The following DHRS4 variants were observed in gnomAD, a reference collection of about 807,000 sequenced individuals.
The protein encoded by DHRS4 is dehydrogenase/reductase 4.
DHRS4 carries 20 observed loss-of-function variants against 28.4 expected under a neutral mutation model. The observed-to-expected ratio is 0.71, with a 90% CI of 0.50 to 1.02. The LOEUF is 1.02. Among genes scored for constraint, DHRS4 ranks in the 50% least tolerant of loss-of-function variants. The pLI is 0.00. For synonymous variants in DHRS4, 144 were observed against 146.4 expected, an observed-to-expected ratio of 0.98 and a Z score of 0.12; for missense variants, 378 against 367.2, an observed-to-expected ratio of 1.03 and a Z score of -0.24.
At chr14:23,954,174 C>T (rs541824758) in intron 1 of DHRS4, 2 of 504,856 alleles carry the variant, frequency 4.0e-6, no homozygotes, top group Non-Finnish European at 7.0e-6. Flanking sequence ...TCTAGTCTCC[C>T]CAGTGTTCTG....
chr14:23,967,102 C>A, intron 6 of DHRS4, 109 bp from the exon 7 acceptor site: 1 of 1,412,818 alleles, frequency 7.1e-7, no homozygotes, highest in Non-Finnish European at 9.5e-7. Flanking sequence ...TGCAGTGAGC[C>A]AAGATAGCGC....
At chr14:23,955,975 C>T (rs577940489) in intron 2 of DHRS4, among the ~76,000 whole-genome samples, 1 of 152,246 alleles carries the variant, frequency 6.6e-6, no homozygotes, top group East Asian at 1.9e-4. Flanking sequence ...AGAATCTACC[C>T]AAAAATGGAA....
intron 2 of DHRS4, among the ~76,000 whole-genome samples, chr14:23,959,429 G>C (rs771274281): frequency 6.6e-6 from 1 of 152,052 alleles, no homozygotes; most frequent in Non-Finnish European, 1.5e-5. Context: ...GTGGTGGCAC[G>C]CACTTGTAGT....
At chr14:23,954,635 A>C (rs2033015869) in intron 1 of DHRS4, among the ~76,000 whole-genome samples, 1 of 152,260 alleles carries the variant, frequency 6.6e-6, no homozygotes, top group African/African-American at 2.4e-5. Flanking sequence ...CTAAGGATAG[A>C]ATTTTGAGAA....
intron 7 of DHRS4, 123 bp from the exon 8 acceptor site, chr14:23,968,634 A>G: frequency 1.1e-5 from 16 of 1,518,008 alleles, no homozygotes; most frequent in Non-Finnish European, 1.4e-5. Flanking sequence ...GAAAGCTTGT[A>G]CACTGACCCT....
At position 23,963,140 on chromosome 14, in the gene DHRS4, A is replaced by C. The variant is rs537412231; in HGVS notation, c.409-2622A>C. 3.7e-5 allele frequency among the ~76,000 whole-genome samples: 4 copies of C among 108,734 alleles called. 1 individual carries two copies. Among genetic ancestry groups the C allele is most frequent in the Non-Finnish European group, 6.8e-5 (4 of 58,756 alleles). The allele number at this position is 108,734 out of a possible 152,430, so 71.3% of individuals were successfully genotyped here. On this transcript the variant is annotated intron_variant, in intron 3 of 7. Coordinates refer to ENST00000313250, the MANE Select transcript of DHRS4 (RefSeq NM_021004.4). ...TGCAGAGCACAGGCAGAGTAGATTT[A>C]GCGTAAATCTGAGGGCCCTAGAATT...
intron 3 of DHRS4, among the ~76,000 whole-genome samples, chr14:23,964,935 GATTTT>G (rs2033563941): frequency 1.4e-5 from 2 of 144,196 alleles, no homozygotes; most frequent in Non-Finnish European, 3.1e-5. Flanking sequence ...TGTAATTTTT[GATTTT>G]ATTATATAAA....
At position 23,959,966 on chromosome 14, in the gene DHRS4, G is replaced by A. The variant is rs1335159205; in HGVS notation, c.371G>A (p.Gly124Glu). The A allele has an allele frequency of 2.5e-6, 4 of 1,607,778 alleles. No homozygotes were observed. The Admixed American group carries it at 5.0e-5, about 20-fold the overall frequency. The part of the protein sequence containing the change: ...VSNAAVNPFF[G>E]SIMDVTEEVW... ...AATGCTGCTGTCAACCCTTTCTTTG[G>A]AAGCATAATGGATGTCACTGAGGAG... is the stretch of plus-strand genomic sequence containing the variant. Residue 124 changes from glycine to glutamate, a missense_variant, in exon 3 of 8, where the codon GGA becomes GAA. By Grantham distance (98) the Gly-to-Glu change is moderately conservative. Transcript: ENST00000313250.
chr14:23,955,760 G>T (rs535333580), intron 2 of DHRS4, among the ~76,000 whole-genome samples: 1 of 152,216 alleles, frequency 6.6e-6, no homozygotes, highest in Non-Finnish European at 1.5e-5. Flanking sequence ...GAAAGACCCA[G>T]ACCTCCCAGG....
intron 1 of DHRS4, among the ~76,000 whole-genome samples, chr14:23,954,409 C>T (rs2033000277): frequency 1.3e-5 from 2 of 152,178 alleles, no homozygotes; most frequent in East Asian, 1.9e-4. Context: ...ACATCTGGGC[C>T]GACCTTGCCC....
intron 3 of DHRS4, among the ~76,000 whole-genome samples, chr14:23,964,247 A>AAAAAACAAAAAAC (rs1566475596): frequency 7.7e-6 from 1 of 129,720 alleles, no homozygotes; most frequent in African/African-American, 3.3e-5. Flanking sequence ...AAAAAAAAAA[A>AAAAAACAAAAAAC]AAAAAAACAC....
At chr14:23,966,670 G>A (rs1037916124) in intron 6 of DHRS4, among the ~76,000 whole-genome samples, 1 of 152,048 alleles carries the variant, frequency 6.6e-6, no homozygotes, top group Non-Finnish European at 1.5e-5. Flanking sequence ...ACATGGATGA[G>A]AATTGGAGAG....
Position 23,965,843 on chromosome 14 carries a change from T to C in DHRS4, c.479+11T>C, listed in dbSNP as rs775696092. On this transcript the variant is annotated intron_variant, in intron 4 of 7. Transcript: ENST00000313250. ...AATGGAGAAACGAGGGTACAGAGAG[T>C]GAGAGAGAGCCTGGGTGAGAGGGGA... 3 of 1,605,908 alleles carry C rather than the reference T, an allele frequency of 1.9e-6. No individual in the cohort carries two copies. The African/African-American group carries it at 4.1e-5, about 22-fold the overall frequency.
rs1461611682 is a variant in DHRS4 at position 23,965,745 on chromosome 14, T to C, written c.409-17T>C. The C allele has an allele frequency of 3.1e-6, 5 of 1,589,702 alleles. No individual in the cohort carries two copies. Among genetic ancestry groups the C allele is most frequent in the Non-Finnish European group, 4.3e-6 (5 of 1,162,500 alleles). ...GCTCTTCACTCATGCTGTTTCCCCT[T>C]CTTCTCTTGGCTTCAGACTCTGGAC... is the stretch of plus-strand genomic sequence containing the variant. On this transcript the variant is annotated splice_polypyrimidine_tract_variant and intron_variant, in intron 3 of 7. Coordinates refer to ENST00000313250, the MANE Select transcript of DHRS4 (RefSeq NM_021004.4).
chr14:23,958,085 T>C (rs1234994067), intron 2 of DHRS4, among the ~76,000 whole-genome samples: 1 of 152,014 alleles, frequency 6.6e-6, no homozygotes, highest in Non-Finnish European at 1.5e-5. Context: ...AGTCCATTGG[T>C]GAGACTTACA....
chr14:23,965,485 T>G (rs1478546078), intron 3 of DHRS4, among the ~76,000 whole-genome samples: 1 of 135,874 alleles, frequency 7.4e-6, no homozygotes, highest in Non-Finnish European at 1.6e-5. Context: ...CAAAGGCCCC[T>G]TCTGGCCCAA....
In DHRS4 at chr14:23,955,202, T is replaced by C. The variant is rs891610937; in HGVS notation, c.296T>C (p.Leu99Pro). The C allele has an allele frequency of 1.2e-6, 2 of 1,612,890 alleles. No homozygotes were observed. The highest frequency in any genetic ancestry group is 2.7e-5 in the African/African-American group (2 of 74,900). ...HVGKAEDRER[L>P]VATAVKLHGG... ...GGGAAGGCGGAGGACCGGGAGCGGC[T>C]GGTGGCCACGGTGAGCTGCAGGGAA... Residue 99 changes from leucine to proline, a missense_variant, in exon 2 of 8, where the codon CTG becomes CCG. Transcript: ENST00000313250.
At position 23,955,166 on chromosome 14, in the gene DHRS4, TGTGCCATGTGGGGAAG is replaced by T. The variant is rs2033072418; in HGVS notation, c.262_277del (p.Cys88ArgfsTer12). Reference sequence around the variant, plus strand: ...GAGGGGCTGAGCGTGACGGGCACCGTGTGCCATGTGGGGAAGGCGGAGGACCGGGAGCGGCTGGTGG... The same window carrying T: ...GAGGGGCTGAGCGTGACGGGCACCGTGCGGAGGACCGGGAGCGGCTGGTGG... On this transcript the variant is annotated frameshift_variant, in exon 2 of 8. Transcript: ENST00000313250. LOFTEE classifies it high-confidence loss of function. The T allele has an allele frequency of 6.2e-7, 1 of 1,613,682 alleles. No homozygotes were observed. Among genetic ancestry groups the T allele is most frequent in the African/African-American group, 1.3e-5 (1 of 74,910 alleles).
At chr14:23,964,749 G>GT (rs2033555167) in intron 3 of DHRS4, among the ~76,000 whole-genome samples, 1 of 138,406 alleles carries the variant, frequency 7.2e-6, no homozygotes, top group East Asian at 2.1e-4. Context: ...GCTAATTTTT[G>GT]TATTTTTAGT....
Sources: gnomAD v4.1 joint callset for allele counts (sites outside exome capture counted in the v4.1 genomes callset) on GRCh38, gnomAD v4.1.1 for gene constraint, MANE v1.5 for transcripts, NCBI Gene and HGNC (gene_info 2026-07-23, HGNC 2026-07-21) for gene names.